NTRK3: variants seen among roughly 807,000 people sequenced by gnomAD.
NTRK3 encodes the protein NT-3 growth factor receptor.
Under a neutral mutation model 91.7 loss-of-function variants are expected in NTRK3, and 24 were observed. That is an observed-to-expected ratio of 0.26 (90% CI 0.19 to 0.37). The LOEUF is 0.37. NTRK3 is among the 10% of genes least tolerant of loss of function. NTRK3 has a pLI of 1.00. For missense variants in NTRK3, 880 were observed against 1,068.9 expected, an observed-to-expected ratio of 0.82 and a Z score of 2.46; for synonymous variants, 483 against 404.0, an observed-to-expected ratio of 1.20 and a Z score of -2.34.
intron 13 of NTRK3, among the ~76,000 whole-genome samples, chr15:88,087,999 C>T (rs1467070091): frequency 6.6e-6 from 1 of 152,128 alleles, no homozygotes; most frequent in East Asian, 1.9e-4. Context: ...TGCAGTGAGC[C>T]AAGATCACGC....
chr15:87,959,827 G>A lies in NTRK3; in HGVS notation c.1586-19074C>T, dbSNP rs1038240454. On this transcript the variant is annotated intron_variant, in intron 14 of 18. Coordinates refer to ENST00000394480, the Ensembl canonical transcript of NTRK3. ...ACTCTCTTCATGGGAACGGCTAAGA[G>A]GGAGCCAAATGTGGAAGCTCCGTCA... 2.0e-5 allele frequency among the ~76,000 whole-genome samples: 3 copies of A among 152,188 alleles called. No homozygotes were observed. The South Asian group carries it at 6.2e-4, about 32-fold the overall frequency.
At chr15:88,137,143 A>G (rs1414580709) in intron 7 of NTRK3, among the ~76,000 whole-genome samples, 1 of 152,164 alleles carries the variant, frequency 6.6e-6, no homozygotes, top group African/African-American at 2.4e-5. Flanking sequence ...GAGAAAGGGA[A>G]TCTGGTGTGA....
At chr15:88,177,504 G>A (rs1348884105) in intron 5 of NTRK3, among the ~76,000 whole-genome samples, 1 of 152,208 alleles carries the variant, frequency 6.6e-6, no homozygotes, top group Non-Finnish European at 1.5e-5. Context: ...GGAGTAGGCA[G>A]GTAAAGGAAA....
At chr15:87,919,975 C>G (rs974752314) in intron 17 of NTRK3, among the ~76,000 whole-genome samples, 1 of 152,166 alleles carries the variant, frequency 6.6e-6, no homozygotes, top group Non-Finnish European at 1.5e-5. Context: ...CTTCTTCTCA[C>G]TTATTATTAC....
chr15:88,061,475 T>C (rs1437678586), intron 13 of NTRK3, among the ~76,000 whole-genome samples: 1 of 152,210 alleles, frequency 6.6e-6, no homozygotes, highest in Non-Finnish European at 1.5e-5. Flanking sequence ...GCATCTTGAA[T>C]GCAGGCCCAC....
At chr15:88,041,705 T>G (rs1309063659) in intron 13 of NTRK3, among the ~76,000 whole-genome samples, 1 of 152,104 alleles carries the variant, frequency 6.6e-6, no homozygotes, top group Non-Finnish European at 1.5e-5. Flanking sequence ...TAAGCAGTTG[T>G]GATTGGTGGG....
intron 13 of NTRK3, chr15:88,072,483 A>T (rs913469753): frequency 1.3e-5 from 3 of 231,404 alleles, no homozygotes; most frequent in Non-Finnish European, 2.6e-5. Context: ...CAAGTCTTTC[A>T]TCAGGCTGAG....
At position 88,234,919 on chromosome 15, in the gene NTRK3, C is replaced by T. The variant is rs1428790438; in HGVS notation, c.248+20987G>A. Among the ~76,000 whole-genome samples the T allele has an allele frequency of 6.6e-6, 1 of 152,166 alleles. No individual in the cohort carries two copies. The highest frequency in any genetic ancestry group is 1.5e-5 in the Non-Finnish European group (1 of 68,028). ...CTCCTATCCAGCCCCCGACACACTT[C>T]CAGCCCCTTCCAACCTGAGAGGCGT... On this transcript the variant is annotated intron_variant, in intron 3 of 18. Transcript: ENST00000394480. The surrounding 1 kb of genome is among the most constrained non-coding windows in gnomAD (Gnocchi z 6.1).
chr15:88,170,281 C>T (rs1316005670), intron 5 of NTRK3, among the ~76,000 whole-genome samples: 1 of 152,222 alleles, frequency 6.6e-6, no homozygotes, highest in African/African-American at 2.4e-5. Context: ...ACATAATTTG[C>T]ATCAGCAACA....
rs931437170 is a variant in NTRK3 at position 88,138,075 on chromosome 15, C to T, written c.465-514G>A. 5.3e-5 allele frequency among the ~76,000 whole-genome samples: 8 copies of T among 151,296 alleles called. No individual in the cohort carries two copies. In the Middle Eastern group the frequency reaches 0.011, roughly 200 times the overall value. On this transcript the variant is annotated intron_variant, in intron 6 of 18. Transcript: ENST00000394480. ...AAAAATAAAAAATAAAGAAATCCACCTCACTTCATGCAACTGTCTAAGAGA... is the reference window on the plus strand; with the variant it reads ...AAAAATAAAAAATAAAGAAATCCACTTCACTTCATGCAACTGTCTAAGAGA...
chr15:88,230,105 A>G (rs1297970069), intron 3 of NTRK3, among the ~76,000 whole-genome samples: 1 of 152,200 alleles, frequency 6.6e-6, no homozygotes, highest in African/African-American at 2.4e-5. Context: ...CCTCAGTTCC[A>G]TTGTCTCAGT....
intron 14 of NTRK3, among the ~76,000 whole-genome samples, chr15:87,952,747 G>C (rs1434784770): frequency 6.6e-6 from 1 of 152,238 alleles, no homozygotes; most frequent in African/African-American, 2.4e-5. Flanking sequence ...CTGTCCGGGA[G>C]TCCCGAGAGG....
intron 17 of NTRK3, among the ~76,000 whole-genome samples, chr15:87,906,704 T>G (rs2066787597): frequency 6.6e-6 from 1 of 152,174 alleles, no homozygotes; most frequent in South Asian, 2.1e-4. Context: ...TTCGTATTCT[T>G]TAAGCAATGC....
chr15:87,986,636 G>A (rs894064386), intron 14 of NTRK3, among the ~76,000 whole-genome samples: 5 of 152,150 alleles, frequency 3.3e-5, no homozygotes, highest in African/African-American at 4.8e-5. Context: ...TTTAGCTAAC[G>A]AAGTCCATGA....
chr15:87,933,536 G>A (rs2068993627), intron 15 of NTRK3, among the ~76,000 whole-genome samples: 1 of 152,236 alleles, frequency 6.6e-6, no homozygotes, highest in African/African-American at 2.4e-5. Flanking sequence ...TGCTCCTAAG[G>A]TTTTCTTTGA....
At chr15:88,232,060 G>A (rs1567688456) in intron 3 of NTRK3, among the ~76,000 whole-genome samples, 2 of 152,196 alleles carry the variant, frequency 1.3e-5, no homozygotes, top group Middle Eastern at 3.4e-3. Context: ...CAGCTCATCT[G>A]TGGCCGCTCA....
intron 3 of NTRK3, among the ~76,000 whole-genome samples, chr15:88,227,500 C>T (rs549520108): frequency 5.9e-5 from 9 of 152,212 alleles, no homozygotes; most frequent in African/African-American, 1.9e-4. Flanking sequence ...AAGAGAGACA[C>T]CGGGGACATG....
intron 5 of NTRK3, among the ~76,000 whole-genome samples, chr15:88,156,924 T>C (rs2043957132): frequency 6.6e-6 from 1 of 152,160 alleles, no homozygotes; most frequent in Non-Finnish European, 1.5e-5. Flanking sequence ...AAAACCAACC[T>C]GAGTTTCTAG....
chr15:88,138,971 T>G (rs1426274965), intron 6 of NTRK3, among the ~76,000 whole-genome samples: 1 of 152,178 alleles, frequency 6.6e-6, no homozygotes, highest in African/African-American at 2.4e-5. Context: ...TGGTTATCTA[T>G]TTCCAAGATA....
Sources: allele counts gnomAD v4.1 joint callset (sites outside exome capture counted in the v4.1 genomes callset), GRCh38; gene constraint gnomAD v4.1.1; non-coding constraint Gnocchi (gnomAD v3.1); transcripts MANE v1.5; gene names NCBI Gene and HGNC (gene_info 2026-07-23, HGNC 2026-07-21).